The following DNAI4 variants were observed in gnomAD, a reference collection of about 807,000 sequenced individuals.
DNAI4 encodes the protein dynein axonemal intermediate chain 4, also known as WD repeat domain 78.
A neutral mutation model predicts 105.8 loss-of-function variants in DNAI4; 85 were observed. The ratio of observed to expected loss-of-function variants is 0.80; its 90% CI spans 0.67 to 0.96. The LOEUF (loss-of-function observed/expected upper bound fraction) is 0.96, where lower values mean the gene tolerates loss of function less well. Ranked by LOEUF, DNAI4 falls within the 40% of genes least tolerant of loss-of-function variation. The pLI, the probability that DNAI4 is intolerant of heterozygous loss-of-function variation, is 0.00. For synonymous variants in DNAI4, 352 were observed against 331.5 expected (o/e 1.06, Z -0.67); for missense variants, 1,014 against 1,005.6 (o/e 1.01, Z -0.11).
At chr1:66,825,228 G>A (rs1289226666) in intron 15 of DNAI4, among the ~76,000 whole-genome samples, 8 of 143,312 alleles carry the variant, frequency 5.6e-5, no homozygotes, top group South Asian at 4.4e-4. Context: ...GCGGGACTGC[G>A]GACTGCAGTG....
intron 1 of DNAI4, among the ~76,000 whole-genome samples, chr1:66,920,153 G>A (rs1650361041): frequency 6.6e-6 from 1 of 152,196 alleles, no homozygotes; most frequent in Non-Finnish European, 1.5e-5. Context: ...AGAAAGAGAA[G>A]CAGCTGGACG....
rs527293831 is a variant in DNAI4 at position 66,814,454 on chromosome 1, C to T, written c.2497-274G>A. Reference sequence around the variant, plus strand: ...TGCAATCTCGGCTCACTGTAACCTCCGCCTCCTGGGTTCAAGCAATTCTCC... The same window carrying T: ...TGCAATCTCGGCTCACTGTAACCTCTGCCTCCTGGGTTCAAGCAATTCTCC... On this transcript the variant is annotated intron_variant, in intron 16 of 16. Coordinates refer to ENST00000371026, the MANE Select transcript of DNAI4 (RefSeq NM_024763.5). Among the ~76,000 whole-genome samples the T allele has an allele frequency of 1.2e-4, 19 of 152,130 alleles. No individual in the cohort carries two copies. In the South Asian group the frequency reaches 1.9e-3, roughly 15 times the overall value.
At chr1:66,832,910 A>T (rs1484734299) in intron 13 of DNAI4, among the ~76,000 whole-genome samples, 2 of 152,200 alleles carry the variant, frequency 1.3e-5, no homozygotes, top group African/African-American at 4.8e-5. Context: ...GAAATTAAGT[A>T]GTCTTTCTAA....
At chr1:66,836,226 G>GAGAGAGAGAAAGAAAGAA (rs1646001910) in intron 10 of DNAI4, among the ~76,000 whole-genome samples, 1 of 132,232 alleles carries the variant, frequency 7.6e-6, no homozygotes, top group Non-Finnish European at 1.6e-5. Context: ...GAGAGAGAGA[G>GAGAGAGAGAAAGAAAGAA]AGAGAGAGAA....
intron 13 of DNAI4, among the ~76,000 whole-genome samples, chr1:66,831,120 A>G (rs1214512317): frequency 6.6e-6 from 1 of 151,986 alleles, no homozygotes; most frequent in Non-Finnish European, 1.5e-5. Context: ...ACCAAAGCTC[A>G]CTCAAGAAGC....
chr1:66,917,179 T>C (rs1285588950), intron 1 of DNAI4, among the ~76,000 whole-genome samples: 2 of 152,248 alleles, frequency 1.3e-5, no homozygotes, highest in African/African-American at 2.4e-5. Flanking sequence ...ATAAATGTTA[T>C]TGGTATGTGT....
At chr1:66,831,752 T>C (rs1216222987) in intron 13 of DNAI4, among the ~76,000 whole-genome samples, 1 of 152,204 alleles carries the variant, frequency 6.6e-6, no homozygotes, top group Non-Finnish European at 1.5e-5. Context: ...TACTCATCAC[T>C]GTACTGGAGG....
intron 1 of DNAI4, among the ~76,000 whole-genome samples, chr1:66,909,973 T>C (rs1000589254): frequency 1.8e-4 from 28 of 152,200 alleles, no homozygotes; most frequent in Admixed American, 1.8e-3. Flanking sequence ...ATTATTGCAA[T>C]AGCCTTTCGC....
chr1:66,823,053 C>A (rs906717713), intron 15 of DNAI4, among the ~76,000 whole-genome samples: 57 of 151,600 alleles, frequency 3.8e-4, no homozygotes, highest in Non-Finnish European at 7.2e-4. Flanking sequence ...TGCTATCCCT[C>A]CCCACTCCCC....
intron 7 of DNAI4, among the ~76,000 whole-genome samples, chr1:66,848,946 G>T (rs530501249): frequency 6.6e-6 from 1 of 152,190 alleles, no homozygotes; most frequent in Non-Finnish European, 1.5e-5. Context: ...GCTGTAACAA[G>T]GTGTCCCAAA....
intron 6 of DNAI4, 121 bp downstream of exon 6, chr1:66,871,249 T>TG: frequency 1.3e-6 from 1 of 799,928 alleles, no homozygotes; most frequent in Non-Finnish European, 1.9e-6. Context: ...ACTACTGTTG[T>TG]GGTTTGGCCA....
chr1:66,924,717 C>T lies in DNAI4; in HGVS notation c.115G>A (p.Val39Ile). 1 of 1,614,188 alleles carries T rather than the reference C, an allele frequency of 6.2e-7. No homozygotes were observed. Among genetic ancestry groups the T allele is most frequent in the South Asian group, 1.1e-5 (1 of 91,082 alleles). Reference protein sequence around the residue: ...KKGWCTTPQLVATMPVSPAGS... With the variant: ...KKGWCTTPQLIATMPVSPAGS... ...GCCGGAGAGACTGGCATGGTGGCGA[C>T]CAGCTGGGGAGTGGTGCACCACCCC... is the stretch of plus-strand genomic sequence containing the variant. Residue 39 changes from valine to isoleucine, a missense_variant, in exon 1 of 17, where the codon GTC becomes ATC. By Grantham distance (29) the Val-to-Ile change is conservative. Coordinates refer to ENST00000371026, the MANE Select transcript of DNAI4 (RefSeq NM_024763.5).
chr1:66,889,801 T>C (rs878974061), intron 4 of DNAI4, among the ~76,000 whole-genome samples: 2 of 152,214 alleles, frequency 1.3e-5, no homozygotes, highest in Non-Finnish European at 2.9e-5. Context: ...TATTACCTCA[T>C]GTTTTACCCT....
chr1:66,902,608 T>G (rs1448655806), intron 2 of DNAI4, among the ~76,000 whole-genome samples: 1 of 152,216 alleles, frequency 6.6e-6, no homozygotes, highest in Non-Finnish European at 1.5e-5. Context: ...GCTTTTGTTG[T>G]CATATGCAAG....
chr1:66,888,405 C>A (rs367898093), intron 4 of DNAI4, among the ~76,000 whole-genome samples: 5 of 152,084 alleles, frequency 3.3e-5, no homozygotes, highest in South Asian at 4.1e-4. Flanking sequence ...TTGGAATTCA[C>A]CAGCAACGGC....
At chr1:66,913,713 T>G (rs1649832879) in intron 1 of DNAI4, among the ~76,000 whole-genome samples, 1 of 152,150 alleles carries the variant, frequency 6.6e-6, no homozygotes, top group Admixed American at 6.5e-5. Context: ...CCGGGCGCAG[T>G]GGCTCATGCC....
intron 16 of DNAI4, among the ~76,000 whole-genome samples, chr1:66,821,479 C>T (rs1308083174): frequency 6.6e-6 from 1 of 152,176 alleles, no homozygotes; most frequent in Non-Finnish European, 1.5e-5. Context: ...TTCCAACCAC[C>T]AGTATGAGAG....
chr1:66,821,519 A>C (rs1205009874), intron 16 of DNAI4, among the ~76,000 whole-genome samples: 1 of 152,220 alleles, frequency 6.6e-6, no homozygotes, highest in East Asian at 1.9e-4. Flanking sequence ...AGTACAGAGT[A>C]GTCTTATTAA....
chr1:66,883,107 GCTTTTATATATTGAC>G (rs1390707830), intron 4 of DNAI4, among the ~76,000 whole-genome samples: 1 of 148,966 alleles, frequency 6.7e-6, no homozygotes, highest in Non-Finnish European at 1.5e-5. Context: ...AAGGCAGTTT[GCTTTTATATATTGAC>G]CTTGTATCCT....
Sources: gnomAD v4.1 joint callset for allele counts (sites outside exome capture counted in the v4.1 genomes callset) on GRCh38, gnomAD v4.1.1 for gene constraint, MANE v1.5 for transcripts, NCBI Gene and HGNC (gene_info 2026-07-23, HGNC 2026-07-21) for gene names.